Variants in RNF121 observed in about 807,000 individuals in gnomAD.
The protein encoded by RNF121 is ring finger protein 121.
A neutral mutation model predicts 46.5 loss-of-function variants in RNF121; 21 were observed. The ratio of observed to expected loss-of-function variants is 0.45; its 90% CI spans 0.32 to 0.65. The LOEUF (loss-of-function observed/expected upper bound fraction) is 0.65, where lower values mean the gene tolerates loss of function less well. Ranked by LOEUF, RNF121 falls within the 30% of genes least tolerant of loss-of-function variation. RNF121 has a pLI of 0.04. For synonymous variants in RNF121, 139 were observed against 144.7 expected, an observed-to-expected ratio of 0.96 and a Z score of 0.28; for missense variants, 346 against 416.0, an observed-to-expected ratio of 0.83 and a Z score of 1.46.
chr11:71,929,914 A>T lies in RNF121; in HGVS notation c.63+790A>T, dbSNP rs548979959. Among the ~76,000 whole-genome samples the T allele has an allele frequency of 5.9e-5, 9 of 152,224 alleles. No homozygotes were observed. In the East Asian group the frequency reaches 1.7e-3, roughly 29 times the overall value. On this transcript the variant is annotated intron_variant, in intron 1 of 8. Coordinates refer to ENST00000361756, the MANE Select transcript of RNF121 (RefSeq NM_018320.5). ...GCTTGGGATAGGGAAGGCTTCCCGG[A>T]GTTGCTGAGTTTTAAACGATAAATA...
At chr11:71,936,038 A>G (rs542491223) in intron 1 of RNF121, among the ~76,000 whole-genome samples, 5 of 151,314 alleles carry the variant, frequency 3.3e-5, no homozygotes, top group South Asian at 4.2e-4. Flanking sequence ...TAGTAGAGAC[A>G]GGGTTTCACC....
chr11:71,989,341 A>G (rs985902797), intron 5 of RNF121, among the ~76,000 whole-genome samples: 2 of 152,148 alleles, frequency 1.3e-5, no homozygotes, highest in Non-Finnish European at 2.9e-5. Flanking sequence ...TTGGCCTCCC[A>G]TAAGTGTTAG....
At chr11:71,981,276 T>A (rs574220474) in intron 3 of RNF121, among the ~76,000 whole-genome samples, 2 of 152,078 alleles carry the variant, frequency 1.3e-5, no homozygotes, top group Non-Finnish European at 2.9e-5. Flanking sequence ...GGTCTCAATC[T>A]CCTGACCTTG....
intron 3 of RNF121, among the ~76,000 whole-genome samples, chr11:71,978,718 A>G (rs1954586648): frequency 6.6e-6 from 1 of 152,234 alleles, no homozygotes; most frequent in South Asian, 2.1e-4. Flanking sequence ...AAGTGCTGAC[A>G]TTATTAGGCA....
intron 3 of RNF121, among the ~76,000 whole-genome samples, chr11:71,970,352 T>G (rs1225704375): frequency 1.3e-5 from 2 of 152,196 alleles, no homozygotes; most frequent in African/African-American, 4.8e-5. Context: ...GAAAATTTTT[T>G]GGGTTTTGAA....
Position 71,996,748 on chromosome 11 carries a change from G to T in RNF121, c.*433G>T. ...CTTCCCTGTGTGGGGCTCAAGCCTG[G>T]TGCACTTAGTATAGAAGAGCTAACG... On this transcript the variant is annotated 3_prime_UTR_variant, in exon 9 of 9. Coordinates refer to ENST00000361756, the MANE Select transcript of RNF121 (RefSeq NM_018320.5). 1 of 184,498 alleles carries T rather than the reference G, an allele frequency of 5.4e-6. No homozygotes were observed. The highest frequency in any genetic ancestry group is 9.3e-5 in the South Asian group (1 of 10,736). The allele number at this position is 184,498 out of a possible 1,614,324, so 11.4% of individuals were successfully genotyped here. A position where few individuals can be genotyped will look rare whatever the true frequency, so the allele number is the denominator to read the frequency against.
At chr11:71,946,071 A>G (rs531124567) in intron 1 of RNF121, among the ~76,000 whole-genome samples, 1 of 152,230 alleles carries the variant, frequency 6.6e-6, no homozygotes, top group South Asian at 2.1e-4. Context: ...TGTTTGTGCC[A>G]CTGCACTCCA....
intron 3 of RNF121, among the ~76,000 whole-genome samples, chr11:71,966,864 T>G (rs993772663): frequency 5.8e-5 from 3 of 51,524 alleles, no homozygotes; most frequent in Non-Finnish European, 1.6e-4. Context: ...TATTTGTGGG[T>G]TTTTTGTTTT....
At chr11:71,988,722 T>C (rs1297485186) in intron 5 of RNF121, among the ~76,000 whole-genome samples, 1 of 151,962 alleles carries the variant, frequency 6.6e-6, no homozygotes, top group Non-Finnish European at 1.5e-5. Context: ...CTCAGGAGGC[T>C]GAGGTGGGAG....
chr11:71,931,421 C>T (rs1030192998), intron 1 of RNF121, among the ~76,000 whole-genome samples: 1 of 152,174 alleles, frequency 6.6e-6, no homozygotes, highest in African/African-American at 2.4e-5. Flanking sequence ...GAACAGTCAT[C>T]CCTTCAAGCT....
chr11:71,994,491 C>G lies in RNF121; in HGVS notation c.628-228C>G, dbSNP rs1186921483. ...CTGTTACATCTAACTTCCCAACTGT[C>G]TCTAGTCTGGTCACTTCTCCCCATC... On this transcript the variant is annotated intron_variant, in intron 6 of 8. Coordinates refer to ENST00000361756, the MANE Select transcript of RNF121 (RefSeq NM_018320.5). Among the ~76,000 whole-genome samples, 4 of 151,984 alleles carry G rather than the reference C, an allele frequency of 2.6e-5. No homozygotes were observed. The East Asian group carries it at 7.7e-4, about 29-fold the overall frequency.
At chr11:71,995,821 G>A (rs1260238487) in intron 8 of RNF121, among the ~76,000 whole-genome samples, 1 of 152,192 alleles carries the variant, frequency 6.6e-6, no homozygotes, top group Non-Finnish European at 1.5e-5. Context: ...TCTTACACTG[G>A]CAGTTCCTTC....
At chr11:71,968,153 C>T (rs1465873324) in intron 3 of RNF121, among the ~76,000 whole-genome samples, 4 of 151,764 alleles carry the variant, frequency 2.6e-5, no homozygotes, top group Admixed American at 6.6e-5. Context: ...CCTCTGCCCC[C>T]GGTTCAAGCG....
At chr11:71,948,660 T>TCTTTG (rs1381196242) in intron 1 of RNF121, among the ~76,000 whole-genome samples, 2 of 152,018 alleles carry the variant, frequency 1.3e-5, no homozygotes, top group Admixed American at 1.3e-4. Flanking sequence ...GCCCAAAGTG[T>TCTTTG]GCCACCCTTG....
At chr11:71,985,821 A>C (rs565681379) in intron 4 of RNF121, among the ~76,000 whole-genome samples, 1 of 152,180 alleles carries the variant, frequency 6.6e-6, no homozygotes, top group South Asian at 2.1e-4. Flanking sequence ...GCCAAGCACC[A>C]GTGGCTTATG....
intron 3 of RNF121, among the ~76,000 whole-genome samples, chr11:71,977,501 CAT>C (rs1246004765): frequency 1.3e-5 from 2 of 152,238 alleles, no homozygotes; most frequent in Admixed American, 6.5e-5. Flanking sequence ...TTACTGTTAG[CAT>C]CTAACATCGT....
Position 71,995,484 on chromosome 11 carries a change from G to T in RNF121, c.796G>T (p.Val266Leu). 6.3e-7 allele frequency: 1 copy of T among 1,592,200 alleles called. No individual in the cohort carries two copies. The highest frequency in any genetic ancestry group is 1.1e-5 in the South Asian group (1 of 88,020). The change falls in exon 8 of 9, where the codon GTG (valine) becomes TTG (leucine). Residue 266 changes from valine (V) to leucine (L), a missense_variant. Physicochemically the swap from Val to Leu is conservative, Grantham distance 32 (BLOSUM62 1). Coordinates refer to ENST00000361756, the MANE Select transcript of RNF121 (RefSeq NM_018320.5). ...HEFCIRGWCI[V>L]GKKQTCPYCK... The stretch of plus-strand genomic sequence containing the variant: ...GTTCTGCATCCGTGGCTGGTGCATC[G>T]TGGGAAAGAAGCAAACGTGTCCCTA...
At chr11:71,971,860 A>G (rs1327716898) in intron 3 of RNF121, among the ~76,000 whole-genome samples, 1 of 152,214 alleles carries the variant, frequency 6.6e-6, no homozygotes, top group Non-Finnish European at 1.5e-5. Flanking sequence ...GGATAGCAGC[A>G]TGGCATTGCT....
At chr11:71,991,001 T>C (rs945029595) in intron 6 of RNF121, among the ~76,000 whole-genome samples, 10 of 152,200 alleles carry the variant, frequency 6.6e-5, no homozygotes, top group Non-Finnish European at 1.3e-4. Context: ...TTCTTACTTA[T>C]AAGTGGGAAC....
Sources: allele counts gnomAD v4.1 joint callset (sites outside exome capture counted in the v4.1 genomes callset), GRCh38; gene constraint gnomAD v4.1.1; transcripts MANE v1.5; gene names NCBI Gene and HGNC (gene_info 2026-07-23, HGNC 2026-07-21).